TGFB2: variants seen among roughly 807,000 people sequenced by gnomAD.
TGFB2 encodes transforming growth factor beta-2 proprotein.
A neutral mutation model predicts 42.7 loss-of-function variants in TGFB2; 13 were observed. That is an observed-to-expected ratio of 0.30 (90% CI 0.20 to 0.48). The LOEUF is 0.48. TGFB2 is among the 20% of genes least tolerant of loss of function. The pLI is 0.99. For synonymous variants in TGFB2, 193 were observed against 193.6 expected, an observed-to-expected ratio of 1.00 and a Z score of 0.03; for missense variants, 390 against 517.5, an observed-to-expected ratio of 0.75 and a Z score of 2.39.
chr1:218,426,174 C>G (rs1659617934), intron 2 of TGFB2, among the ~76,000 whole-genome samples: 1 of 152,196 alleles, frequency 6.6e-6, no homozygotes, highest in Admixed American at 6.5e-5. Flanking sequence ...GCCCCATGGT[C>G]TCCTGTGGAT....
intron 1 of TGFB2, among the ~76,000 whole-genome samples, chr1:218,392,647 A>C (rs1658352276): frequency 6.6e-6 from 1 of 152,262 alleles, no homozygotes; most frequent in African/African-American, 2.4e-5. Flanking sequence ...TTTGATGCTT[A>C]TAAGAGAGAG....
chr1:218,442,294 T>C lies in TGFB2; in HGVS notation c.*932T>C, dbSNP rs1660179908. Reference sequence around the variant, plus strand: ...TATGCTATAGGTTTTTTCCTTTGTTTTGGTATATGTAACCATACCTATATT... The same window carrying C: ...TATGCTATAGGTTTTTTCCTTTGTTCTGGTATATGTAACCATACCTATATT... On this transcript the variant is annotated 3_prime_UTR_variant, in exon 7 of 7. Transcript: ENST00000366930. 1.3e-5 allele frequency: 2 copies of C among 152,162 alleles called. No homozygotes were observed. Among genetic ancestry groups the C allele is most frequent in the African/African-American group, 2.4e-5 (1 of 41,468 alleles). The allele number at this position is 152,162 out of a possible 1,614,324, so 9.4% of individuals were successfully genotyped here.
intron 2 of TGFB2, among the ~76,000 whole-genome samples, chr1:218,408,364 G>A (rs962021272): frequency 2.6e-5 from 4 of 152,310 alleles, no homozygotes; most frequent in South Asian, 2.1e-4. Flanking sequence ...GCTCCATGAC[G>A]CAAGTGACAT....
chr1:218,362,259 A>G (rs773732931), intron 1 of TGFB2, among the ~76,000 whole-genome samples: 12 of 152,228 alleles, frequency 7.9e-5, no homozygotes, highest in Non-Finnish European at 1.6e-4. Flanking sequence ...TGTTACTTCT[A>G]GAAGACGTGC....
chr1:218,408,398 C>T (rs572821563), intron 2 of TGFB2, among the ~76,000 whole-genome samples: 5 of 152,206 alleles, frequency 3.3e-5, no homozygotes, highest in African/African-American at 9.6e-5. Flanking sequence ...TAGAGTCCCA[C>T]GCTTGAAAGA....
At chr1:218,421,237 T>G (rs759687789) in intron 2 of TGFB2, among the ~76,000 whole-genome samples, 2 of 152,196 alleles carry the variant, frequency 1.3e-5, no homozygotes, top group Non-Finnish European at 2.9e-5. Flanking sequence ...CCTCATTTCA[T>G]TTTTATAATG....
At chr1:218,355,202 G>C (rs1656994811) in intron 1 of TGFB2, among the ~76,000 whole-genome samples, 1 of 152,046 alleles carries the variant, frequency 6.6e-6, no homozygotes, top group African/African-American at 2.4e-5. Flanking sequence ...GCCCAGCCTT[G>C]GTTTTGTTTT....
rs1286471169 is a variant in TGFB2, at chr1:218,441,393, A to G, written c.*31A>G. On this transcript the variant is annotated 3_prime_UTR_variant, in exon 7 of 7. Coordinates refer to ENST00000366930, the MANE Select transcript of TGFB2 (RefSeq NM_003238.6). Reference sequence around the variant, plus strand: ...TTGGAAAAGTGGCAAGACCAAAATGACAATGATGATGATAATGATGATGAC... The same window carrying G: ...TTGGAAAAGTGGCAAGACCAAAATGGCAATGATGATGATAATGATGATGAC... The G allele has an allele frequency of 1.3e-6, 2 of 1,586,128 alleles. No individual in the cohort carries two copies. Among genetic ancestry groups the G allele is most frequent in the Non-Finnish European group, 8.6e-7 (1 of 1,169,574 alleles).
rs764640720 is a variant in TGFB2 at position 218,405,417 on chromosome 1, T to C, written c.510+85T>C. ...TCTCTCTCTCTGTCACAGGCTAGAG[T>C]ACAGTGGCATGATCACAGCTCACTG... On this transcript the variant is annotated intron_variant, in intron 2 of 6. Coordinates refer to ENST00000366930, the MANE Select transcript of TGFB2 (RefSeq NM_003238.6). The C allele has an allele frequency of 4.4e-6, 7 of 1,595,592 alleles. No individual in the cohort carries two copies. The Admixed American group carries it at 1.2e-4, about 27-fold the overall frequency.
rs1660257637 is a variant in TGFB2, at chr1:218,444,507, A to T, written c.*3145A>T. On this transcript the variant is annotated 3_prime_UTR_variant, in exon 7 of 7. Transcript: ENST00000366930. ...GTACCACTGCACCACAAACAAAAAA[A>T]CCCACCCTATTTCCTCCAATTTTTT... 6.6e-6 allele frequency: 1 copy of T among 152,066 alleles called. No individual in the cohort carries two copies. Among genetic ancestry groups the T allele is most frequent in the Non-Finnish European group, 1.5e-5 (1 of 68,004 alleles). The allele number at this position is 152,066 out of a possible 1,614,324, so 9.4% of individuals were successfully genotyped here.
intron 2 of TGFB2, among the ~76,000 whole-genome samples, chr1:218,407,013 A>G (rs1658935887): frequency 6.6e-6 from 1 of 152,206 alleles, no homozygotes; most frequent in South Asian, 2.1e-4. Context: ...TTTTCTTTGT[A>G]TTCATTATGA....
At chr1:218,427,089 G>GA (rs1181088297) in intron 2 of TGFB2, among the ~76,000 whole-genome samples, 2 of 151,444 alleles carry the variant, frequency 1.3e-5, no homozygotes, top group Admixed American at 6.6e-5. Context: ...CCTAAAATTA[G>GA]AAAAAAAATT....
At chr1:218,360,449 T>C (rs1657172032) in intron 1 of TGFB2, among the ~76,000 whole-genome samples, 1 of 152,188 alleles carries the variant, frequency 6.6e-6, no homozygotes. Context: ...CCTGCGTTCT[T>C]CTAAAAATAT....
intron 2 of TGFB2, among the ~76,000 whole-genome samples, chr1:218,419,572 C>T (rs1659389132): frequency 6.6e-6 from 1 of 152,096 alleles, no homozygotes; most frequent in Non-Finnish European, 1.5e-5. Context: ...AGTGGGTGTT[C>T]AATAAGTGTT....
At chr1:218,419,377 T>C (rs1659383238) in intron 2 of TGFB2, among the ~76,000 whole-genome samples, 1 of 152,156 alleles carries the variant, frequency 6.6e-6, no homozygotes, top group Admixed American at 6.6e-5. Flanking sequence ...AGGGAGACCT[T>C]CTTTGGCCAC....
chr1:218,380,584 A>AT (rs912455357), intron 1 of TGFB2, among the ~76,000 whole-genome samples: 1 of 152,050 alleles, frequency 6.6e-6, no homozygotes, highest in Non-Finnish European at 1.5e-5. Context: ...GCTGCAGAGT[A>AT]TATGTGTCCG....
chr1:218,430,733 G>A (rs769724844), intron 2 of TGFB2, among the ~76,000 whole-genome samples: 37 of 152,206 alleles, frequency 2.4e-4, no homozygotes, highest in Admixed American at 2.0e-3. Flanking sequence ...AAGACTTTAC[G>A]ATGTGATTAG....
At chr1:218,397,866 G>A (rs1233036402) in intron 1 of TGFB2, among the ~76,000 whole-genome samples, 1 of 152,172 alleles carries the variant, frequency 6.6e-6, no homozygotes, top group Non-Finnish European at 1.5e-5. Flanking sequence ...ACCTCAGGCA[G>A]GAGGATAAAC....
At chr1:218,429,801 C>A (rs1659748865) in intron 2 of TGFB2, among the ~76,000 whole-genome samples, 1 of 152,124 alleles carries the variant, frequency 6.6e-6, no homozygotes, top group Admixed American at 6.6e-5. Context: ...GTTTCTAGAC[C>A]ATTTAATTAA....
Sources: allele counts gnomAD v4.1 joint callset (sites outside exome capture counted in the v4.1 genomes callset), GRCh38; gene constraint gnomAD v4.1.1; transcripts MANE v1.5; gene names NCBI Gene and HGNC (gene_info 2026-07-23, HGNC 2026-07-21).